ZFPM1: variants seen among roughly 807,000 people sequenced by gnomAD.
The protein encoded by ZFPM1 is zinc finger protein, FOG family member 1, also known as zinc finger protein ZFPM1.
A neutral mutation model predicts 46.3 loss-of-function variants in ZFPM1; 28 were observed. That is an observed-to-expected ratio of 0.60 (90% CI 0.45 to 0.83). The LOEUF is 0.83. ZFPM1 is among the 40% of genes least tolerant of loss of function. The pLI is 0.00. For synonymous variants in ZFPM1, 957 were observed against 675.9 expected (o/e 1.42, Z -6.45); for missense variants, 1,878 against 1,432.4 (o/e 1.31, Z -5.02).
intron 3 of ZFPM1, among the ~76,000 whole-genome samples, chr16:88,501,207 A>G (rs1278714661): frequency 1.8e-5 from 2 of 113,748 alleles, no homozygotes; most frequent in South Asian, 6.1e-4. Context: ...GGTGCTGGTG[A>G]TGATGGAGAT....
In ZFPM1 at chr16:88,514,446, G is replaced by T. The variant is rs138127735; in HGVS notation, c.328G>T (p.Ala110Ser). Reference sequence around the variant, plus strand: ...GCGCATACGGGCCCGACTCAGCCTCGCCACGGGCCTGTCCTGGGGCCCGTT... The same window carrying T: ...GCGCATACGGGCCCGACTCAGCCTCTCCACGGGCCTGTCCTGGGGCCCGTT... ...QRRIRARLSL[A>S]TGLSWGPFHG... The change falls in exon 4 of 10, where the codon GCC becomes TCC. Residue 110 changes from alanine (A) to serine (S), a missense_variant. Coordinates refer to ENST00000319555, the MANE Select transcript of ZFPM1 (RefSeq NM_153813.3). 1 of 1,558,084 alleles carries T rather than the reference G, an allele frequency of 6.4e-7. No homozygotes were observed.
intron 6 of ZFPM1, among the ~76,000 whole-genome samples, chr16:88,530,233 G>A (rs916150844): frequency 6.6e-6 from 1 of 152,208 alleles, no homozygotes; most frequent in African/African-American, 2.4e-5. Context: ...GCAGGCTGGT[G>A]AGGGTCCCGT....
intron 3 of ZFPM1, among the ~76,000 whole-genome samples, chr16:88,509,575 G>A (rs138960345): frequency 3.7e-4 from 57 of 152,360 alleles, no homozygotes; most frequent in African/African-American, 1.3e-3. Flanking sequence ...TCAGAGCTGT[G>A]AGCCAGCCTG....
rs180784507 is a variant in ZFPM1, at chr16:88,471,389, G to A, written c.41-14550G>A. Among the ~76,000 whole-genome samples the A allele has an allele frequency of 1.4e-3, 206 of 150,736 alleles. No individual in the cohort carries two copies. Among genetic ancestry groups the A allele is most frequent in the African/African-American group, 4.9e-3 (196 of 40,286 alleles). On this transcript the variant is annotated intron_variant, in intron 1 of 9. Transcript: ENST00000319555. This position sits in a 1 kb window ranked among gnomAD's most constrained non-coding sequence, Gnocchi z 4.1. The stretch of plus-strand genomic sequence containing the variant: ...CACAGTTCAGGACCCCGAGATGACC[G>A]TGCCCACAGTGGCTCCCACGCATAG...
intron 3 of ZFPM1, among the ~76,000 whole-genome samples, chr16:88,510,808 T>TG (rs1910914476): frequency 6.6e-6 from 1 of 152,158 alleles, no homozygotes; most frequent in African/African-American, 2.4e-5. Flanking sequence ...TGCCTACCCT[T>TG]GGGCCAGTTG....
At position 88,526,852 on chromosome 16, in the gene ZFPM1, C is replaced by T. The variant is rs773822346; in HGVS notation, c.441C>T (p.Cys147=). The change falls in exon 5 of 10, where the codon TGC becomes TGT. Residue 147 remains cysteine, a synonymous_variant. Coordinates refer to ENST00000319555, the MANE Select transcript of ZFPM1 (RefSeq NM_153813.3). The part of the protein sequence containing the change: ...ALTLLLVDEA[C]WLRTLPQALT... ...CCCTGCTGCTGGTGGACGAGGCCTGCTGGCTGAGGACGCTGCCCCAGGCCC... is the reference window on the plus strand; with the variant it reads ...CCCTGCTGCTGGTGGACGAGGCCTGTTGGCTGAGGACGCTGCCCCAGGCCC... 1.3e-6 allele frequency: 2 copies of T among 1,550,392 alleles called. No homozygotes were observed. Among genetic ancestry groups the T allele is most frequent in the South Asian group, 1.2e-5 (1 of 85,348 alleles).
intron 6 of ZFPM1, among the ~76,000 whole-genome samples, chr16:88,531,499 A>G (rs902839752): frequency 5.3e-5 from 8 of 152,168 alleles, no homozygotes; most frequent in African/African-American, 1.9e-4. Context: ...TCATGCCCAC[A>G]TCCCTAGAAC....
Position 88,532,223 on chromosome 16 carries a change from C to T in ZFPM1, c.934C>T (p.Arg312Cys). ...PSASSLEIHMRSHSGERPFVC... is the reference protein window; with the variant it reads ...PSASSLEIHMCSHSGERPFVC... ...CGCCAGCTCCCTGGAGATCCACATG[C>T]GCAGCCACAGCGGTGAGCCCCCACC... The change falls in exon 7 of 10, where the codon CGC becomes TGC. Residue 312 changes from arginine (R) to cysteine (C), a missense_variant. Arg to Cys is a radical substitution (Grantham distance 180). Coordinates refer to ENST00000319555, the MANE Select transcript of ZFPM1 (RefSeq NM_153813.3). 6.2e-7 allele frequency: 1 copy of T among 1,603,680 alleles called. No homozygotes were observed. Among genetic ancestry groups the T allele is most frequent in the Non-Finnish European group, 8.5e-7 (1 of 1,173,336 alleles).
At chr16:88,462,708 G>C (rs1382138414) in intron 1 of ZFPM1, among the ~76,000 whole-genome samples, 1 of 152,194 alleles carries the variant, frequency 6.6e-6, no homozygotes, top group East Asian at 1.9e-4. Flanking sequence ...ATTATAGGGA[G>C]GTTACCTTGC....
chr16:88,517,456 GTAAA>G (rs1161524794), intron 4 of ZFPM1, among the ~76,000 whole-genome samples: 1 of 133,534 alleles, frequency 7.5e-6, no homozygotes, highest in Middle Eastern at 5.3e-3. Flanking sequence ...AGATGTGTAG[GTAAA>G]TGGATGGATG....
intron 3 of ZFPM1, among the ~76,000 whole-genome samples, chr16:88,511,615 G>C (rs558944661): frequency 2.0e-5 from 3 of 152,250 alleles, no homozygotes; most frequent in African/African-American, 7.2e-5. Flanking sequence ...GGAGTAGGAG[G>C]CCTCACCCAC....
intron 1 of ZFPM1, among the ~76,000 whole-genome samples, chr16:88,475,344 G>A (rs1484672210): frequency 6.6e-6 from 1 of 152,204 alleles, no homozygotes; most frequent in Non-Finnish European, 1.5e-5. Flanking sequence ...CGCGATGGGA[G>A]GGAAGGTGTG....
In ZFPM1 at chr16:88,497,833, C is replaced by G. The variant is rs891212036; in HGVS notation, c.268+8680C>G. Among the ~76,000 whole-genome samples, 6 of 152,200 alleles carry G rather than the reference C, an allele frequency of 3.9e-5. No individual in the cohort carries two copies. The highest frequency in any genetic ancestry group is 1.4e-4 in the African/African-American group (6 of 41,458). On this transcript the variant is annotated intron_variant, in intron 3 of 9. Transcript: ENST00000319555. The surrounding 1 kb of genome is among the most constrained non-coding windows in gnomAD (Gnocchi z 5.4). ...TGTGTGAGGGCGTCGGGCTGGTTATCTGGGCCGAGCTCCATCTGACTAATC... is the reference window on the plus strand; with the variant it reads ...TGTGTGAGGGCGTCGGGCTGGTTATGTGGGCCGAGCTCCATCTGACTAATC...
chr16:88,533,039 G>A (rs1912922215), intron 9 of ZFPM1, 104 bp downstream of exon 9: 5 of 1,515,398 alleles, frequency 3.3e-6, no homozygotes, highest in Admixed American at 2.0e-5. Context: ...TTCAGCCTTC[G>A]CTCTAAACCA....
upstream of ZFPM1, among the ~76,000 whole-genome samples, chr16:88,452,612 T>C (rs1489413730): frequency 3.3e-5 from 5 of 152,228 alleles, no homozygotes; most frequent in African/African-American, 1.2e-4. Context: ...ACACCCCAAG[T>C]CTGGCCCAAG....
intron 6 of ZFPM1, chr16:88,530,853 G>C (rs561972706): frequency 2.6e-5 from 4 of 152,454 alleles, no homozygotes; most frequent in African/African-American, 9.6e-5. Context: ...TTGAGAAACA[G>C]AAATCAACAG....
In ZFPM1 at chr16:88,536,501, C is replaced by T. The variant is rs1226105125; in HGVS notation, c.*1522C>T. On this transcript the variant is annotated 3_prime_UTR_variant, in exon 10 of 10. Coordinates refer to ENST00000319555, the MANE Select transcript of ZFPM1 (RefSeq NM_153813.3). ...TTTCCAACTCTACTTGAACTAGCTG[C>T]ATTTTTTTCAGCTTTGCCCAGCAGC... 2 of 152,214 alleles carry T rather than the reference C, an allele frequency of 1.3e-5. No individual in the cohort carries two copies. Among genetic ancestry groups the T allele is most frequent in the African/African-American group, 2.4e-5 (1 of 41,444 alleles). The allele number at this position is 152,214 out of a possible 1,614,324, so 9.4% of individuals were successfully genotyped here. A position where few individuals can be genotyped will look rare whatever the true frequency, so the allele number is the denominator to read the frequency against.
intron 3 of ZFPM1, among the ~76,000 whole-genome samples, chr16:88,502,376 G>A (rs895580504): frequency 3.3e-5 from 5 of 151,948 alleles, no homozygotes; most frequent in East Asian, 2.0e-4. Flanking sequence ...CCCGGGCGCC[G>A]GGCACTCAGG....
At chr16:88,505,509 C>CA (rs1195396456) in intron 3 of ZFPM1, among the ~76,000 whole-genome samples, 1 of 152,198 alleles carries the variant, frequency 6.6e-6, no homozygotes, top group Non-Finnish European at 1.5e-5. Flanking sequence ...CTGGTGCCCT[C>CA]AGGAGGTGGT....
Sources: allele counts gnomAD v4.1 joint callset (sites outside exome capture counted in the v4.1 genomes callset), GRCh38; gene constraint gnomAD v4.1.1; non-coding constraint Gnocchi (gnomAD v3.1); transcripts MANE v1.5; gene names NCBI Gene and HGNC (gene_info 2026-07-23, HGNC 2026-07-21).